The following RBFOX1 variants were observed in gnomAD, a reference collection of about 807,000 sequenced individuals.
RBFOX1 encodes the protein RNA binding fox-1 homolog 1.
RBFOX1 carries 8 observed loss-of-function variants against 57.7 expected under a neutral mutation model. The ratio of observed to expected loss-of-function variants is 0.14; its 90% CI spans 0.08 to 0.25. The LOEUF (loss-of-function observed/expected upper bound fraction) is 0.25, where lower values mean the gene tolerates loss of function less well. Among genes scored for constraint, RBFOX1 ranks in the 10% least tolerant of loss-of-function variants. The pLI, the probability that RBFOX1 is intolerant of heterozygous loss-of-function variation, is 1.00. For missense variants in RBFOX1, 611 were observed against 548.5 expected (o/e 1.11, Z -1.14); for synonymous variants, 326 against 222.4 (o/e 1.47, Z -4.15).
intron 2 of RBFOX1, among the ~76,000 whole-genome samples, chr16:6,583,757 C>A (rs576704770): frequency 6.6e-6 from 1 of 152,312 alleles, no homozygotes; most frequent in East Asian, 1.9e-4. Context: ...CAGCCTGCTG[C>A]AGCCTAATGA....
chr16:7,392,860 T>G (rs1331422126), intron 4 of RBFOX1, among the ~76,000 whole-genome samples: 1 of 150,482 alleles, frequency 6.6e-6, no homozygotes, highest in Non-Finnish European at 1.5e-5. Context: ...GTTTGGTTTG[T>G]TTGTTTGTTT....
At chr16:5,691,048 G>A (rs2050661936) in intron 3 of RBFOX1, among the ~76,000 whole-genome samples, 1 of 152,098 alleles carries the variant, frequency 6.6e-6, no homozygotes, top group South Asian at 2.1e-4. Context: ...ACACAGAGAT[G>A]GAAATAATAT....
intron 2 of RBFOX1, among the ~76,000 whole-genome samples, chr16:5,576,795 A>T (rs958302921): frequency 6.6e-6 from 1 of 152,208 alleles, no homozygotes; most frequent in South Asian, 2.1e-4. Flanking sequence ...TCAGCTTCAG[A>T]TATCTTGGGG....
intron 2 of RBFOX1, among the ~76,000 whole-genome samples, chr16:6,510,556 A>G (rs2096233918): frequency 6.6e-6 from 1 of 152,176 alleles, no homozygotes; most frequent in African/African-American, 2.4e-5. Flanking sequence ...AAGCAATTGG[A>G]GTCTGTTGGA....
chr16:6,471,332 C>G (rs751528597), intron 2 of RBFOX1, among the ~76,000 whole-genome samples: 1 of 152,138 alleles, frequency 6.6e-6, no homozygotes, highest in African/African-American at 2.4e-5. Flanking sequence ...CATCCTCTAC[C>G]AAGTAGATGC....
intron 14 of RBFOX1, among the ~76,000 whole-genome samples, chr16:7,694,553 A>C (rs764258612): frequency 1.3e-5 from 2 of 152,208 alleles, no homozygotes; most frequent in Non-Finnish European, 2.9e-5. Flanking sequence ...ATTTTAAAAC[A>C]ATGGTATACT....
At chr16:7,533,187 G>A (rs183307515) in intron 5 of RBFOX1, among the ~76,000 whole-genome samples, 2 of 152,250 alleles carry the variant, frequency 1.3e-5, no homozygotes, top group Non-Finnish European at 2.9e-5. Context: ...CTTTCAGGTC[G>A]TCTGGGTTGT....
intron 3 of RBFOX1, among the ~76,000 whole-genome samples, chr16:6,745,829 G>C (rs562216036): frequency 6.6e-6 from 1 of 152,172 alleles, no homozygotes; most frequent in South Asian, 2.1e-4. Flanking sequence ...GTTTAGAGAA[G>C]AAAAAAACTG....
intron 4 of RBFOX1, among the ~76,000 whole-genome samples, chr16:7,363,531 C>T (rs1415263496): frequency 1.3e-5 from 2 of 151,856 alleles, no homozygotes; most frequent in African/African-American, 2.4e-5. Flanking sequence ...ATCTTGTGGG[C>T]CTCTCAGCCT....
intron 2 of RBFOX1, among the ~76,000 whole-genome samples, chr16:5,563,317 A>T (rs574466052): frequency 6.6e-6 from 1 of 152,160 alleles, no homozygotes; most frequent in South Asian, 2.1e-4. Flanking sequence ...CACTGATTCA[A>T]AACACCTCCT....
intron 3 of RBFOX1, among the ~76,000 whole-genome samples, chr16:6,855,084 A>G (rs896177772): frequency 6.6e-6 from 1 of 152,032 alleles, no homozygotes; most frequent in African/African-American, 2.4e-5. Flanking sequence ...GATGATCCCA[A>G]CAGAAGAGAA....
At chr16:6,210,962 C>T (rs1057316528) in intron 1 of RBFOX1, among the ~76,000 whole-genome samples, 1 of 151,934 alleles carries the variant, frequency 6.6e-6, no homozygotes, top group East Asian at 1.9e-4. Flanking sequence ...TCCAAGTGTG[C>T]AGTTGAGAAA....
At chr16:7,602,021 C>T (rs2095050789) in intron 9 of RBFOX1, among the ~76,000 whole-genome samples, 1 of 152,178 alleles carries the variant, frequency 6.6e-6, no homozygotes, top group Non-Finnish European at 1.5e-5. Flanking sequence ...CTTTAGAAAG[C>T]ATTGACAGGC....
chr16:7,446,801 T>C, intron 4 of RBFOX1, among the ~76,000 whole-genome samples: 1 of 25,742 alleles, frequency 3.9e-5, no homozygotes, highest in Non-Finnish European at 7.1e-5. Flanking sequence ...TCTAGGTATT[T>C]TTTTTTTTTT....
intron 3 of RBFOX1, among the ~76,000 whole-genome samples, chr16:6,960,134 G>T (rs1209540078): frequency 2.0e-5 from 3 of 152,038 alleles, no homozygotes; most frequent in Non-Finnish European, 4.4e-5. Flanking sequence ...CCCAGGTCTT[G>T]AGAAATAAGT....
In RBFOX1 at chr16:5,841,993, G is replaced by A. The variant is rs7206478; in HGVS notation, c.319-25310G>A. Among the ~76,000 whole-genome samples, 1,456 of 152,296 alleles carry A rather than the reference G, an allele frequency of 9.6e-3. 19 individuals are homozygous for A. Among genetic ancestry groups the A allele is most frequent in the African/African-American group, 0.033 (1,367 of 41,560 alleles). ...CCATCCTCGCCCAGAGGCACACCAC[G>A]CCCCATCCTCATCCTCCTCTCCCTG... On this transcript the variant is annotated intron_variant, in intron 3 of 19. Transcript: ENST00000641259.
In RBFOX1 at chr16:6,307,847, ATTAC is replaced by A. The variant is rs200804875; in HGVS notation, c.-126-9145_-126-9142del. On this transcript the variant is annotated intron_variant, in intron 1 of 15. Coordinates refer to ENST00000550418, the MANE Select transcript of RBFOX1 (RefSeq NM_018723.4). ...TGTTATTTATATGTTTATTTGGATT[ATTAC>A]TTTTATATTTCTATAAATGATAATT... Among the ~76,000 whole-genome samples, 69 of 146,962 alleles carry A rather than the reference ATTAC, an allele frequency of 4.7e-4. 1 individual carries two copies. The East Asian group carries it at 0.011, about 23-fold the overall frequency.
chr16:5,883,863 T>C (rs2057829223), intron 4 of RBFOX1, among the ~76,000 whole-genome samples: 2 of 152,188 alleles, frequency 1.3e-5, no homozygotes, highest in African/African-American at 2.4e-5. Flanking sequence ...GTTTAAATAA[T>C]AGGATGAGAA....
chr16:6,870,201 A>G (rs1439756240), intron 3 of RBFOX1, among the ~76,000 whole-genome samples: 1 of 152,180 alleles, frequency 6.6e-6, no homozygotes, highest in Non-Finnish European at 1.5e-5. Flanking sequence ...TATTTCATCT[A>G]GAATTTTGCA....
Sources: allele counts gnomAD v4.1 joint callset (sites outside exome capture counted in the v4.1 genomes callset), GRCh38; gene constraint gnomAD v4.1.1; transcripts MANE v1.5; gene names NCBI Gene and HGNC (gene_info 2026-07-23, HGNC 2026-07-21).